Variants in SEMA6A observed in about 807,000 individuals in gnomAD.
SEMA6A encodes the protein semaphorin-6A.
SEMA6A carries 25 observed loss-of-function variants against 96.8 expected under a neutral mutation model. The observed-to-expected ratio is 0.26, with a 90% CI of 0.19 to 0.36. The LOEUF (loss-of-function observed/expected upper bound fraction) is 0.36, where lower values mean the gene tolerates loss of function less well. Among genes scored for constraint, SEMA6A ranks in the 10% least tolerant of loss-of-function variants. SEMA6A has a pLI of 1.00. For missense variants in SEMA6A, 1,363 were observed against 1,323.1 expected (o/e 1.03, Z -0.47); for synonymous variants, 612 against 518.0 (o/e 1.18, Z -2.46).
chr5:116,528,774 A>C (rs1397723443), intron 1 of SEMA6A, among the ~76,000 whole-genome samples: 1 of 152,208 alleles, frequency 6.6e-6, no homozygotes, highest in Non-Finnish European at 1.5e-5. Context: ...TGCTAGGCAG[A>C]TAGCCAGTGT....
chr5:116,479,771 G>A (rs1187432404), intron 12 of SEMA6A, among the ~76,000 whole-genome samples: 3 of 152,202 alleles, frequency 2.0e-5, no homozygotes, highest in Non-Finnish European at 2.9e-5. Flanking sequence ...TGCAAGTTTT[G>A]TAATCATTTC....
chr5:116,477,979 G>C, intron 14 of SEMA6A, 35 bp downstream of exon 14: 1 of 1,613,886 alleles, frequency 6.2e-7, no homozygotes, highest in Middle Eastern at 1.7e-4. Context: ...TAGCCACCAT[G>C]GACTTTCTAA....
At chr5:116,500,222 C>G (rs966322009) in intron 3 of SEMA6A, among the ~76,000 whole-genome samples, 3 of 152,192 alleles carry the variant, frequency 2.0e-5, no homozygotes, top group Non-Finnish European at 4.4e-5. Context: ...CAAGGGTATT[C>G]TCAGGACAAA....
At chr5:116,460,980 A>G (rs1419263847) in intron 18 of SEMA6A, among the ~76,000 whole-genome samples, 4 of 151,998 alleles carry the variant, frequency 2.6e-5, no homozygotes, top group Non-Finnish European at 4.4e-5. Context: ...TAAAAATTAA[A>G]CTTTTTAATC....
chr5:116,522,659 G>A (rs1759013518), intron 1 of SEMA6A, among the ~76,000 whole-genome samples: 1 of 152,172 alleles, frequency 6.6e-6, no homozygotes, highest in South Asian at 2.1e-4. Context: ...TGAGCTCAAA[G>A]CAAATAACCT....
intron 1 of SEMA6A, among the ~76,000 whole-genome samples, chr5:116,532,728 G>GA (rs771095363): frequency 2.6e-4 from 39 of 151,684 alleles, no homozygotes; most frequent in Non-Finnish European, 1.9e-4. Context: ...GAAAATCAAT[G>GA]AATCAGTAAA....
At chr5:116,513,772 C>T (rs1758533907) in intron 1 of SEMA6A, among the ~76,000 whole-genome samples, 1 of 152,096 alleles carries the variant, frequency 6.6e-6, no homozygotes, top group African/African-American at 2.4e-5. Flanking sequence ...CGATGCTCTC[C>T]CTCCTTCCAT....
At chr5:116,561,528 G>A (rs889819094) in intron 1 of SEMA6A, among the ~76,000 whole-genome samples, 1 of 152,208 alleles carries the variant, frequency 6.6e-6, no homozygotes, top group African/African-American at 2.4e-5. Context: ...TTAAGACTAG[G>A]TATGGTTGAT....
intron 15 of SEMA6A, 116 bp from the exon 16 acceptor site, chr5:116,475,719 G>T: frequency 3.1e-6 from 2 of 647,132 alleles, no homozygotes; most frequent in Non-Finnish European, 5.2e-6. Flanking sequence ...AGTGGCAGGT[G>T]CAAAAAAGAA....
chr5:116,503,417 T>C (rs1476987460), intron 2 of SEMA6A, among the ~76,000 whole-genome samples: 2 of 152,124 alleles, frequency 1.3e-5, no homozygotes, highest in Non-Finnish European at 2.9e-5. Context: ...TACCCATTCA[T>C]CAAGGAGATT....
At chr5:116,553,184 G>A (rs1250352654) in intron 1 of SEMA6A, among the ~76,000 whole-genome samples, 1 of 152,124 alleles carries the variant, frequency 6.6e-6, no homozygotes, top group Non-Finnish European at 1.5e-5. Context: ...TATTTTTTGT[G>A]ACTGTGTTTG....
intron 10 of SEMA6A, 46 bp from the exon 11 acceptor site, chr5:116,482,621 T>G (rs1336982211): frequency 6.2e-7 from 1 of 1,606,074 alleles, no homozygotes; most frequent in East Asian, 2.2e-5. Flanking sequence ...GCAATGGTTA[T>G]GCATGTGGTT....
chr5:116,503,635 C>G lies in SEMA6A; in HGVS notation c.100+1210G>C, dbSNP rs1268894777. On this transcript the variant is annotated intron_variant, in intron 2 of 18. Transcript: ENST00000343348. ...CAAGGTATTCCGCTGCCTCAGCCTC[C>G]TGTAGCTGGAACTACAGGCATGCAC... Among the ~76,000 whole-genome samples, 3 of 151,848 alleles carry G rather than the reference C, an allele frequency of 2.0e-5. No homozygotes were observed. The East Asian group carries it at 5.8e-4, about 29-fold the overall frequency.
chr5:116,480,113 G>T lies in SEMA6A; in HGVS notation c.1250+9C>A. ...AAATCCATCAGGACACGGTTTGTTT[G>T]ACACCCACCTGACCATTGTTCTCAG... On this transcript the variant is annotated intron_variant, in intron 12 of 18. Coordinates refer to ENST00000343348, the MANE Select transcript of SEMA6A (RefSeq NM_020796.5). The T allele has an allele frequency of 6.2e-7, 1 of 1,613,400 alleles. No individual in the cohort carries two copies. The highest frequency in any genetic ancestry group is 8.5e-7 in the Non-Finnish European group (1 of 1,179,604).
At chr5:116,466,218 A>C (rs950759652) in intron 18 of SEMA6A, among the ~76,000 whole-genome samples, 4 of 151,946 alleles carry the variant, frequency 2.6e-5, no homozygotes, top group African/African-American at 9.7e-5. Flanking sequence ...TAAAAAAAAA[A>C]AATACAAAAA....
At chr5:116,459,799 G>C (rs1755259800) in intron 18 of SEMA6A, among the ~76,000 whole-genome samples, 1 of 151,980 alleles carries the variant, frequency 6.6e-6, no homozygotes, top group South Asian at 2.1e-4. Flanking sequence ...GATCACCTTT[G>C]GGTATCCCTC....
Position 116,446,814 on chromosome 5 carries a change from C to T in SEMA6A, c.2892G>A (p.Gln964=), listed in dbSNP as rs1754242373. 8 of 1,613,752 alleles carry T rather than the reference C, an allele frequency of 5.0e-6. No homozygotes were observed. The highest frequency in any genetic ancestry group is 1.7e-5 in the Admixed American group (1 of 59,974). Residue 964 remains glutamine, a synonymous_variant, in exon 19 of 19, where the codon CAG becomes CAA. Coordinates refer to ENST00000343348, the MANE Select transcript of SEMA6A (RefSeq NM_020796.5). Reference sequence around the variant, plus strand: ...TGTGCACCTGGATGGAGTCCACCCTCTGCGGGGCGGGCGGCGGGTTGTCTC... The same window carrying T: ...TGTGCACCTGGATGGAGTCCACCCTTTGCGGGGCGGGCGGCGGGTTGTCTC... The part of the protein sequence containing the change: ...GRGDNPPPAP[Q]RVDSIQVHSS...
At chr5:116,516,448 C>G (rs953105724) in intron 1 of SEMA6A, among the ~76,000 whole-genome samples, 1 of 150,948 alleles carries the variant, frequency 6.6e-6, no homozygotes, top group South Asian at 2.1e-4. Context: ...AACTGCAAAC[C>G]CACACATTTT....
At position 116,475,634 on chromosome 5, in the gene SEMA6A, A is replaced by G. The variant is rs776953638; in HGVS notation, c.1650-31T>C. 6.0e-6 allele frequency: 9 copies of G among 1,501,042 alleles called. No homozygotes were observed. The African/African-American group carries it at 9.6e-5, about 16-fold the overall frequency. The allele number at this position is 1,501,042 out of a possible 1,614,324, so 93.0% of individuals were successfully genotyped here. The stretch of plus-strand genomic sequence containing the variant: ...AAAAAAGGAAGGGAAAGAGAGACAG[A>G]AATGAATACAATAACGTGAGTCTTC... On this transcript the variant is annotated intron_variant, in intron 15 of 18. Coordinates refer to ENST00000343348, the MANE Select transcript of SEMA6A (RefSeq NM_020796.5).
Sources: allele counts gnomAD v4.1 joint callset (sites outside exome capture counted in the v4.1 genomes callset), GRCh38; gene constraint gnomAD v4.1.1; transcripts MANE v1.5; gene names NCBI Gene and HGNC (gene_info 2026-07-23, HGNC 2026-07-21).